The following ZCWPW2 variants were observed in gnomAD, a reference collection of about 807,000 sequenced individuals.
ZCWPW2 encodes zinc finger CW-type PWWP domain protein 2.
ZCWPW2 carries 45 observed loss-of-function variants against 46.6 expected under a neutral mutation model. The observed-to-expected ratio is 0.96, with a 90% CI of 0.76 to 1.24. The LOEUF (loss-of-function observed/expected upper bound fraction) is 1.24. Ranked by LOEUF, ZCWPW2 falls within the 50% of genes most tolerant of loss-of-function variation. The pLI is 0.00. For missense variants in ZCWPW2, 429 were observed against 403.9 expected (o/e 1.06, Z -0.53); for synonymous variants, 152 against 137.1 (o/e 1.11, Z -0.76).
intron 5 of ZCWPW2, among the ~76,000 whole-genome samples, chr3:28,482,156 A>AC (rs1195914351): frequency 6.6e-6 from 1 of 151,206 alleles, no homozygotes; most frequent in African/African-American, 2.4e-5. Context: ...GTTTGTTTCT[A>AC]CCTCCCCCTT....
intron 5 of ZCWPW2, among the ~76,000 whole-genome samples, chr3:28,491,878 T>C (rs917350716): frequency 1.3e-5 from 2 of 152,040 alleles, no homozygotes; most frequent in African/African-American, 4.8e-5. Context: ...GACATCCAAC[T>C]AGCCAACTTT....
At position 28,365,755 on chromosome 3, in the gene ZCWPW2, A is replaced by G. The variant is rs544929234; in HGVS notation, c.-134+16552A>G. ...CCTTGGGCAGTATGGCCATTTTCAC[A>G]ATATTGATTCTTCCTACCCATGAGC... On this transcript the variant is annotated intron_variant, in intron 1 of 9. Coordinates refer to ENST00000383768, the MANE Select transcript of ZCWPW2 (RefSeq NM_001040432.4). 2.3e-3 allele frequency among the ~76,000 whole-genome samples: 320 copies of G among 140,762 alleles called. 36 individuals are homozygous for G. Among genetic ancestry groups the G allele is most frequent in the African/African-American group, 7.6e-3 (299 of 39,566 alleles). 92.3% of individuals were successfully genotyped at this position (140,762 alleles called of 152,430 possible).
intron 4 of ZCWPW2, among the ~76,000 whole-genome samples, chr3:28,467,155 A>C (rs1698853730): frequency 6.6e-6 from 1 of 152,210 alleles, no homozygotes; most frequent in South Asian, 2.1e-4. Context: ...TATTCAAATA[A>C]GAAAAGTTGT....
intron 5 of ZCWPW2, among the ~76,000 whole-genome samples, chr3:28,487,554 G>A (rs894069016): frequency 2.6e-5 from 4 of 152,088 alleles, no homozygotes; most frequent in African/African-American, 9.7e-5. Flanking sequence ...ATTAGTCATG[G>A]TTGTTTTAAA....
At chr3:28,350,903 A>G (rs1268491943) in intron 1 of ZCWPW2, among the ~76,000 whole-genome samples, 1 of 151,852 alleles carries the variant, frequency 6.6e-6, no homozygotes, top group Non-Finnish European at 1.5e-5. Flanking sequence ...CTGATAGCCA[A>G]CTAGTTCAGT....
intron 1 of ZCWPW2, among the ~76,000 whole-genome samples, chr3:28,364,799 T>G: frequency 6.6e-6 from 1 of 152,142 alleles, no homozygotes; most frequent in East Asian, 1.9e-4. Flanking sequence ...GTAAAAGTGT[T>G]CCTATTTCTC....
chr3:28,348,747 G>A lies in ZCWPW2; in HGVS notation c.-590G>A, dbSNP rs1467153151. ...AAGACACCGCCGCTTCCACAGCGAAGGGAGCTGCTCCGGGCACGTCGCGGA... is the reference window on the plus strand; with the variant it reads ...AAGACACCGCCGCTTCCACAGCGAAAGGAGCTGCTCCGGGCACGTCGCGGA... On this transcript the variant is annotated 5_prime_UTR_variant, in exon 1 of 10. Coordinates refer to ENST00000383768, the MANE Select transcript of ZCWPW2 (RefSeq NM_001040432.4). 1 of 164,154 alleles carries A rather than the reference G, an allele frequency of 6.1e-6. No individual in the cohort carries two copies. The highest frequency in any genetic ancestry group is 2.0e-4 in the South Asian group (1 of 5,068). The allele number at this position is 164,154 out of a possible 1,614,324, so 10.2% of individuals were successfully genotyped here.
rs150692519 is a variant in ZCWPW2 at position 28,402,400 on chromosome 3, C to T, written c.-13-10656C>T. On this transcript the variant is annotated intron_variant, in intron 2 of 9. Transcript: ENST00000383768. The stretch of plus-strand genomic sequence containing the variant: ...GGAAGAATTAGATACCCCGAATAGA[C>T]CAATAGCAAGCAGCAACATGGAAAT... 2.5e-3 allele frequency among the ~76,000 whole-genome samples: 376 copies of T among 152,122 alleles called. 1 individual carries two copies. Among genetic ancestry groups the T allele is most frequent in the African/African-American group, 8.3e-3 (343 of 41,508 alleles).
In ZCWPW2 at chr3:28,413,282, T is replaced by C; in HGVS notation, c.214T>C (p.Ser72Pro). The change falls in exon 3 of 10, where the codon TCA becomes CCA. Residue 72 changes from serine to proline, a missense_variant. Physicochemically the swap from Ser to Pro is moderately conservative, Grantham distance 74. Transcript: ENST00000383768. Reference sequence around the variant, plus strand: ...CACTGATTCAAGATATAATAACTGCTCAATTTCTGAAGAAGACTTCCCTGA... The same window carrying C: ...CACTGATTCAAGATATAATAACTGCCCAATTTCTGAAGAAGACTTCCCTGA... ...MNTDSRYNNC[S>P]ISEEDFPEES... 6.2e-7 allele frequency: 1 copy of C among 1,613,288 alleles called. No individual in the cohort carries two copies. Among genetic ancestry groups the C allele is most frequent in the Non-Finnish European group, 8.5e-7 (1 of 1,179,516 alleles).
chr3:28,514,504 C>G (rs1700512193), intron 7 of ZCWPW2, among the ~76,000 whole-genome samples: 3 of 151,954 alleles, frequency 2.0e-5, no homozygotes, highest in African/African-American at 7.3e-5. Flanking sequence ...AAATTTGTAC[C>G]AGGATAAGGG....
intron 1 of ZCWPW2, among the ~76,000 whole-genome samples, chr3:28,362,996 T>G (rs1367407656): frequency 8.2e-6 from 1 of 121,934 alleles, no homozygotes; most frequent in Non-Finnish European, 1.6e-5. Flanking sequence ...CAGTTATAAG[T>G]GGGAGATAAA....
chr3:28,489,822 G>T (rs1037824081), intron 5 of ZCWPW2, among the ~76,000 whole-genome samples: 2 of 151,952 alleles, frequency 1.3e-5, no homozygotes, highest in Non-Finnish European at 2.9e-5. Context: ...CAATATTCTA[G>T]TGAGGTAATC....
At chr3:28,412,918 A>G in intron 2 of ZCWPW2, 138 bp from the exon 3 acceptor site, 2 of 610,874 alleles carry the variant, frequency 3.3e-6, no homozygotes, top group Non-Finnish European at 2.8e-6. Context: ...CGTGTTCAAC[A>G]TATGTAGTCT....
chr3:28,380,056 C>G (rs984296852), intron 1 of ZCWPW2, among the ~76,000 whole-genome samples: 1 of 152,036 alleles, frequency 6.6e-6, no homozygotes, highest in Non-Finnish European at 1.5e-5. Context: ...CATCTCGGCT[C>G]ACTGCAAGCT....
chr3:28,413,679 T>G (rs1426137507), intron 3 of ZCWPW2, among the ~76,000 whole-genome samples: 1 of 152,134 alleles, frequency 6.6e-6, no homozygotes, highest in Non-Finnish European at 1.5e-5. Flanking sequence ...TGATATACTG[T>G]GTTTTATTAT....
At chr3:28,370,760 T>A (rs1705303945) in intron 1 of ZCWPW2, among the ~76,000 whole-genome samples, 1 of 152,130 alleles carries the variant, frequency 6.6e-6, no homozygotes, top group Non-Finnish European at 1.5e-5. Context: ...GAGATAGAGT[T>A]TTGCTCTTGT....
At chr3:28,382,162 C>CAAAAAAA in intron 1 of ZCWPW2, among the ~76,000 whole-genome samples, 1 of 81,380 alleles carries the variant, frequency 1.2e-5, no homozygotes, top group Non-Finnish European at 2.5e-5. Flanking sequence ...AACTGCATCT[C>CAAAAAAA]AAAAAAAAAA....
At chr3:28,411,998 A>G (rs972540036) in intron 2 of ZCWPW2, among the ~76,000 whole-genome samples, 4 of 152,162 alleles carry the variant, frequency 2.6e-5, no homozygotes, top group African/African-American at 7.2e-5. Context: ...ATTGAAATAT[A>G]TGGACAAATT....
intron 4 of ZCWPW2, among the ~76,000 whole-genome samples, chr3:28,457,597 C>T (rs1381992246): frequency 6.6e-6 from 1 of 152,184 alleles, no homozygotes; most frequent in Non-Finnish European, 1.5e-5. Flanking sequence ...AGCAGTCTGC[C>T]TGGCTAGAGC....
Sources: gnomAD v4.1 joint callset for allele counts (sites outside exome capture counted in the v4.1 genomes callset) on GRCh38, gnomAD v4.1.1 for gene constraint, MANE v1.5 for transcripts, NCBI Gene and HGNC (gene_info 2026-07-23, HGNC 2026-07-21) for gene names.